TRMT1L: variants seen among roughly 807,000 people sequenced by gnomAD.
The protein encoded by TRMT1L is tRNA (guanine(27)-N(2))-dimethyltransferase.
Under a neutral mutation model 81.6 loss-of-function variants are expected in TRMT1L, and 28 were observed. The ratio of observed to expected loss-of-function variants is 0.34; its 90% CI spans 0.25 to 0.47. TRMT1L has a LOEUF of 0.47. TRMT1L is among the 20% of genes least tolerant of loss of function. TRMT1L has a pLI of 1.00. For synonymous variants in TRMT1L, 301 were observed against 303.2 expected (o/e 0.99, Z 0.07); for missense variants, 739 against 877.1 (o/e 0.84, Z 1.99).
chr1:185,151,233 A>AT (rs374763311), intron 2 of TRMT1L, among the ~76,000 whole-genome samples: 1,892 of 152,232 alleles, frequency 0.012, 41 homozygotes, highest in African/African-American at 0.043. Context: ...TCATTTAGTA[A>AT]TTTTTTTCTT....
chr1:185,119,519 T>C lies in TRMT1L; in HGVS notation c.*500A>G, dbSNP rs970522224. 6.6e-6 allele frequency: 1 copy of C among 152,270 alleles called. No homozygotes were observed. Among genetic ancestry groups the C allele is most frequent in the Non-Finnish European group, 1.5e-5 (1 of 68,074 alleles). The allele number at this position is 152,270 out of a possible 1,614,324, so 9.4% of individuals were successfully genotyped here. ...GTATGATTTCTTAAAAATGGGTACA[T>C]ATTTTAGTTTTTTAATTGTGAAATA... On this transcript the variant is annotated 3_prime_UTR_variant, in exon 15 of 15. Coordinates refer to ENST00000367506, the MANE Select transcript of TRMT1L (RefSeq NM_030934.5).
chr1:185,135,506 A>T (rs1652876044), intron 10 of TRMT1L, among the ~76,000 whole-genome samples: 1 of 152,054 alleles, frequency 6.6e-6, no homozygotes, highest in Non-Finnish European at 1.5e-5. Context: ...AAGAAAGGAT[A>T]AATAAATGAA....
Position 185,119,766 on chromosome 1 carries a change from G to A in TRMT1L, c.*253C>T, listed in dbSNP as rs567877233. 53 of 362,434 alleles carry A rather than the reference G, an allele frequency of 1.5e-4. 1 individual carries two copies. The East Asian group carries it at 2.2e-3, about 15-fold the overall frequency. 22.5% of individuals were successfully genotyped at this position (362,434 alleles called of 1,614,324 possible). A position where few individuals can be genotyped will look rare whatever the true frequency, so the allele number is the denominator to read the frequency against. ...ATTTTCTGAATTATTAAGCAGTAGGGTGATCTCAGTGAGACTTGGCTTCAT... is the reference window on the plus strand; with the variant it reads ...ATTTTCTGAATTATTAAGCAGTAGGATGATCTCAGTGAGACTTGGCTTCAT... On this transcript the variant is annotated 3_prime_UTR_variant, in exon 15 of 15. Transcript: ENST00000367506.
Position 185,123,829 on chromosome 1 carries a change from A to T in TRMT1L, c.1822+28T>A, listed in dbSNP as rs117052484. On this transcript the variant is annotated intron_variant, in intron 13 of 14. Coordinates refer to ENST00000367506, the MANE Select transcript of TRMT1L (RefSeq NM_030934.5). ...TATGCCTTTTTGACCTGATATGTAC[A>T]TATGTACACACATATATGCATACAT... is the stretch of plus-strand genomic sequence containing the variant. 338 of 1,396,632 alleles carry T rather than the reference A, an allele frequency of 2.4e-4. No homozygotes were observed. In the East Asian group the frequency reaches 7.4e-3, roughly 31 times the overall value. 86.5% of individuals were successfully genotyped at this position (1,396,632 alleles called of 1,614,324 possible). A position where few individuals can be genotyped will look rare whatever the true frequency, so the allele number is the denominator to read the frequency against.
At chr1:185,145,360 T>A in intron 5 of TRMT1L, 79 bp downstream of exon 5, 1 of 1,447,530 alleles carries the variant, frequency 6.9e-7, no homozygotes, top group Admixed American at 1.8e-5. Context: ...TATTTTATAT[T>A]CCTGATGTCT....
intron 1 of TRMT1L, among the ~76,000 whole-genome samples, chr1:185,155,646 C>G (rs887478852): frequency 6.6e-6 from 1 of 152,042 alleles, no homozygotes; most frequent in African/African-American, 2.4e-5. Flanking sequence ...AACTTATGAC[C>G]ACAAACTAAA....
At position 185,144,657 on chromosome 1, in the gene TRMT1L, T is replaced by C. The variant is rs61826148; in HGVS notation, c.656-628A>G. Among the ~76,000 whole-genome samples the C allele has an allele frequency of 9.1e-3, 1,223 of 133,870 alleles. 11 individuals carry two copies. Among genetic ancestry groups the C allele is most frequent in the Middle Eastern group, 0.031 (9 of 288 alleles). 87.8% of individuals were successfully genotyped at this position (133,870 alleles called of 152,430 possible). ...AAATATTGATGTGTATATATGTGCA[T>C]ATGTTTTAAATATTTAAGAAATGAG... On this transcript the variant is annotated intron_variant, in intron 5 of 14. Transcript: ENST00000367506.
Position 185,137,691 on chromosome 1 carries a change from A to G in TRMT1L, c.1428T>C (p.Asp476=), listed in dbSNP as rs2102243078. 1 of 1,614,132 alleles carries G rather than the reference A, an allele frequency of 6.2e-7. No homozygotes were observed. ...VRVLRGPTSA[D]ETAKKIQYLI... ...GGTATTGAATCTTCTTGGCTGTTTCATCTGCTGAAGTAGGTCCCCTCAAAA... is the reference window on the plus strand; with the variant it reads ...GGTATTGAATCTTCTTGGCTGTTTCGTCTGCTGAAGTAGGTCCCCTCAAAA... The change falls in exon 10 of 15, where the codon GAT becomes GAC. Residue 476 remains aspartate (D), a synonymous_variant. Transcript: ENST00000367506.
intron 12 of TRMT1L, 45 bp from the exon 13 acceptor site, chr1:185,123,964 A>C: frequency 9.4e-7 from 1 of 1,066,646 alleles, no homozygotes; most frequent in Non-Finnish European, 1.3e-6. Context: ...TTACAGAATG[A>C]CATAAAGCAA....
At chr1:185,148,904 G>A (rs1159556891) in intron 3 of TRMT1L, among the ~76,000 whole-genome samples, 2 of 152,108 alleles carry the variant, frequency 1.3e-5, no homozygotes, top group Admixed American at 1.3e-4. Flanking sequence ...TTTTCTGGAT[G>A]TCTCTTACTA....
intron 1 of TRMT1L, among the ~76,000 whole-genome samples, 192 bp downstream of exon 1, chr1:185,156,286 G>A (rs1653555212): frequency 6.6e-6 from 1 of 152,136 alleles, no homozygotes; most frequent in South Asian, 2.1e-4. Flanking sequence ...ACATCCTCGA[G>A]GCTTATGAAG....
At chr1:185,143,491 T>G in intron 6 of TRMT1L, 55 bp from the exon 7 acceptor site, 12 of 1,490,002 alleles carry the variant, frequency 8.1e-6, no homozygotes, top group Non-Finnish European at 1.0e-5. Flanking sequence ...CATCATAGAT[T>G]TTATTTCATT....
chr1:185,138,976 C>T (rs534153314), intron 9 of TRMT1L, among the ~76,000 whole-genome samples: 77 of 152,186 alleles, frequency 5.1e-4, no homozygotes, highest in Non-Finnish European at 9.4e-4. Context: ...TTAGTAGAGA[C>T]GGGGTTTCAC....
intron 10 of TRMT1L, among the ~76,000 whole-genome samples, chr1:185,136,067 G>C (rs1325408260): frequency 6.6e-6 from 1 of 152,150 alleles, no homozygotes; most frequent in East Asian, 1.9e-4. Flanking sequence ...TCCTTAATGT[G>C]ATAAATGATA....
rs946065707 is a variant in TRMT1L, at chr1:185,118,956, T to A, written c.*1063A>T. On this transcript the variant is annotated 3_prime_UTR_variant, in exon 15 of 15. Transcript: ENST00000367506. ...TATTTAGGGATAAATATGGATCAAA[T>A]CCTTGAGACAAAAACCCAAACTTTA... is the stretch of plus-strand genomic sequence containing the variant. The A allele has an allele frequency of 1.3e-5, 2 of 150,820 alleles. No homozygotes were observed. The highest frequency in any genetic ancestry group is 2.9e-5 in the Non-Finnish European group (2 of 67,824). 9.3% of individuals were successfully genotyped at this position (150,820 alleles called of 1,614,324 possible).
At chr1:185,150,208 C>T (rs1339022412) in intron 3 of TRMT1L, among the ~76,000 whole-genome samples, 171 bp downstream of exon 3, 2 of 152,098 alleles carry the variant, frequency 1.3e-5, no homozygotes, top group Non-Finnish European at 2.9e-5. Context: ...TAGATCTCTA[C>T]TGCCTATAAA....
chr1:185,143,557 C>G (rs1415146760), intron 6 of TRMT1L, 121 bp from the exon 7 acceptor site: 9 of 778,932 alleles, frequency 1.2e-5, no homozygotes, highest in Non-Finnish European at 1.8e-5. Flanking sequence ...AAAAGGAGAC[C>G]TGAAAACATA....
At chr1:185,139,648 T>A in intron 8 of TRMT1L, 69 bp from the exon 9 acceptor site, 2 of 1,054,488 alleles carry the variant, frequency 1.9e-6, no homozygotes, top group Non-Finnish European at 1.4e-6. Flanking sequence ...CTGTAATTAT[T>A]TCTAATTATA....
At chr1:185,152,948 G>T (rs919778164) in intron 1 of TRMT1L, among the ~76,000 whole-genome samples, 1 of 152,064 alleles carries the variant, frequency 6.6e-6, no homozygotes, top group African/African-American at 2.4e-5. Context: ...GATACAAATC[G>T]TAAGTAACAC....
Sources: gnomAD v4.1 joint callset for allele counts (sites outside exome capture counted in the v4.1 genomes callset) on GRCh38, gnomAD v4.1.1 for gene constraint, MANE v1.5 for transcripts, NCBI Gene and HGNC (gene_info 2026-07-23, HGNC 2026-07-21) for gene names.